The following GPR78 variants were observed in gnomAD, a reference collection of about 807,000 sequenced individuals.
The protein encoded by GPR78 is G protein-coupled receptor 78.
In GPR78, 29 loss-of-function variants were observed where a neutral mutation model predicts 17.9. The observed-to-expected ratio is 1.62, with a 90% CI of 1.20 to 2.21. The LOEUF (loss-of-function observed/expected upper bound fraction) is 2.21, where lower values mean the gene tolerates loss of function less well. Ranked by LOEUF, GPR78 falls within the 30% of genes most tolerant of loss-of-function variation. The pLI is 0.00. For missense variants in GPR78, 649 were observed against 530.5 expected (o/e 1.22, Z -2.19); for synonymous variants, 349 against 256.9 (o/e 1.36, Z -3.43).
intron 2 of GPR78, among the ~76,000 whole-genome samples, chr4:8,584,891 C>T (rs1021732330): frequency 6.6e-5 from 10 of 152,234 alleles, no homozygotes; most frequent in African/African-American, 2.4e-4. Context: ...GAGCTCTTCT[C>T]CTGGGAATTG....
At chr4:8,584,451 A>G (rs549341246) in intron 2 of GPR78, among the ~76,000 whole-genome samples, 2 of 152,338 alleles carry the variant, frequency 1.3e-5, no homozygotes, top group African/African-American at 4.8e-5. Context: ...GGTACAATAT[A>G]GCACTAACGA....
chr4:8,581,304 GT>G lies in GPR78; in HGVS notation c.323del (p.Val108GlyfsTer104). 6.3e-7 allele frequency: 1 copy of G among 1,585,310 alleles called. No homozygotes were observed. Among genetic ancestry groups the G allele is most frequent in the African/African-American group, 1.3e-5 (1 of 74,774 alleles). ...AALSADQWLAVGFPLRYAGRL... is the reference protein window; with the variant it reads ...AALSADQWLAXGFPLRYAGRL... ...GCTGAGCGCAGACCAGTGGCTGGCA[GT>G]GGGCTTCCCACTGCGCTACGCCGGA... is the stretch of plus-strand genomic sequence containing the variant. On this transcript the variant is annotated frameshift_variant, in exon 1 of 3. Coordinates refer to ENST00000382487, the MANE Select transcript of GPR78 (RefSeq NM_080819.5). LOFTEE classifies it high-confidence loss of function.
Position 8,580,868 on chromosome 4 carries a change from C to A in GPR78, c.-115C>A. 11 of 1,033,530 alleles carry A rather than the reference C, an allele frequency of 1.1e-5. No individual in the cohort carries two copies. Among genetic ancestry groups the A allele is most frequent in the Non-Finnish European group, 1.4e-5 (10 of 733,124 alleles). 64.0% of individuals were successfully genotyped at this position (1,033,530 alleles called of 1,614,324 possible). The stretch of plus-strand genomic sequence containing the variant: ...CTCTGGACCTTGCTAGCCGGCTCTG[C>A]ACCTCCCAGAAGCCGTGGGCGCGCC... On this transcript the variant is annotated 5_prime_UTR_variant, in exon 1 of 3. Coordinates refer to ENST00000382487, the MANE Select transcript of GPR78 (RefSeq NM_080819.5).
Position 8,581,551 on chromosome 4 carries a change from T to C in GPR78, c.569T>C (p.Leu190Pro). The part of the protein sequence containing the change: ...GFVLPLAVLC[L>P]TSLQVHRVAR... ...GTGCTGCCGCTGGCGGTGCTCTGCC[T>C]CACCTCGCTCCAGGTGCACCGGGTG... Residue 190 changes from leucine (L) to proline (P), a missense_variant, in exon 1 of 3, where the codon CTC becomes CCC. Leu to Pro is a moderately conservative substitution (Grantham distance 98). Transcript: ENST00000382487. The C allele has an allele frequency of 6.3e-7, 1 of 1,584,938 alleles. No homozygotes were observed. Among genetic ancestry groups the C allele is most frequent in the Non-Finnish European group, 8.5e-7 (1 of 1,173,526 alleles).
intron 2 of GPR78, chr4:8,582,846 G>T (rs570455602): frequency 7.8e-5 from 44 of 563,544 alleles, no homozygotes; most frequent in African/African-American, 6.4e-4. Context: ...CTCCCATCCT[G>T]TCCTATAAAT....
At chr4:8,586,320 A>G (rs546245429) in intron 2 of GPR78, among the ~76,000 whole-genome samples, 38 of 152,366 alleles carry the variant, frequency 2.5e-4, no homozygotes, top group Middle Eastern at 6.8e-3. Context: ...CACTGGGCTC[A>G]GACACAGAGT....
At position 8,589,910 on chromosome 4, in the gene GPR78, CTTT is replaced by C. The variant is rs34339112; in HGVS notation, c.*2565_*2567del. On this transcript the variant is annotated 3_prime_UTR_variant, in exon 3 of 3. Transcript: ENST00000382487. ...CTATCCCTTGCCTTAGGCTTGTGGC[CTTT>C]TTTTTTTTTTTTTTTTTAATTTGAA... Among the ~76,000 whole-genome samples, 17,902 of 130,918 alleles carry C rather than the reference CTTT, an allele frequency of 0.14. 1,312 individuals are homozygous for C. Among genetic ancestry groups the C allele is most frequent in the Non-Finnish European group, 0.19 (11,655 of 61,826 alleles). The allele number at this position is 130,918 out of a possible 152,430, so 85.9% of individuals were successfully genotyped here.
Position 8,580,690 on chromosome 4 carries a change from A to C in GPR78, c.-293A>C, listed in dbSNP as rs1713233665. ...CTGCGCCTCGCTTCAGCCTCAGGAC[A>C]GTCCTGCCGGGACGGTGAGCGCATT... On this transcript the variant is annotated 5_prime_UTR_variant, in exon 1 of 3. Transcript: ENST00000382487. 3 of 482,686 alleles carry C rather than the reference A, an allele frequency of 6.2e-6. No individual in the cohort carries two copies. Among genetic ancestry groups the C allele is most frequent in the East Asian group, 7.0e-5 (2 of 28,644 alleles). The allele number at this position is 482,686 out of a possible 1,614,324, so 29.9% of individuals were successfully genotyped here.
chr4:8,587,002 C>T (rs939651451), intron 2 of GPR78, 52 bp from the exon 3 acceptor site: 40 of 1,477,518 alleles, frequency 2.7e-5, no homozygotes, highest in South Asian at 4.8e-5. Flanking sequence ...AGCGTGAGTG[C>T]GTGGCAGGTG....
At position 8,580,706 on chromosome 4, in the gene GPR78, T is replaced by C. The variant is rs1358672328; in HGVS notation, c.-277T>C. 4.0e-6 allele frequency: 2 copies of C among 504,672 alleles called. No individual in the cohort carries two copies. The highest frequency in any genetic ancestry group is 7.8e-5 in the Admixed American group (2 of 25,760). The allele number at this position is 504,672 out of a possible 1,614,324, so 31.3% of individuals were successfully genotyped here. A position where few individuals can be genotyped will look rare whatever the true frequency, so the allele number is the denominator to read the frequency against. ...CCTCAGGACAGTCCTGCCGGGACGG[T>C]GAGCGCATTCAGCACCCTGGACAGC... On this transcript the variant is annotated 5_prime_UTR_variant, in exon 1 of 3. Transcript: ENST00000382487.
chr4:8,584,224 T>TG lies in GPR78; in HGVS notation c.782+1580_782+1581insG, dbSNP rs10662033. Among the ~76,000 whole-genome samples, 5 of 152,250 alleles carry TG rather than the reference T, an allele frequency of 3.3e-5. No homozygotes were observed. In the East Asian group the frequency reaches 9.7e-4, roughly 29 times the overall value. On this transcript the variant is annotated intron_variant, in intron 2 of 2. Transcript: ENST00000382487. ...TGAGTGAGACTGGCTTACTCAGCCA[T>TG]ATTATGTTGATTCATGGGTGTAACT... is the stretch of plus-strand genomic sequence containing the variant.
In GPR78 at chr4:8,589,737, T is replaced by G. The variant is rs1340059301; in HGVS notation, c.*2374T>G. On this transcript the variant is annotated 3_prime_UTR_variant, in exon 3 of 3. Coordinates refer to ENST00000382487, the MANE Select transcript of GPR78 (RefSeq NM_080819.5). ...CTGCCCTGCTGGAAGGCACCATGGT[T>G]AGAGGGAGGCACACTGTTTCTTAGA... 2.0e-5 allele frequency among the ~76,000 whole-genome samples: 3 copies of G among 152,270 alleles called. No individual in the cohort carries two copies. In the East Asian group the frequency reaches 5.8e-4, roughly 29 times the overall value.
chr4:8,589,686 G>C lies in GPR78; in HGVS notation c.*2323G>C, dbSNP rs2109303880. ...GCTAAAAGCCTTGGTCACTACTTTA[G>C]AGCCACTCAAGGAAACGCGTGCACC... On this transcript the variant is annotated 3_prime_UTR_variant, in exon 3 of 3. Transcript: ENST00000382487. Among the ~76,000 whole-genome samples the C allele has an allele frequency of 6.6e-6, 1 of 152,334 alleles. No individual in the cohort carries two copies. Among genetic ancestry groups the C allele is most frequent in the Admixed American group, 6.5e-5 (1 of 15,306 alleles).
Position 8,580,931 on chromosome 4 carries a change from G to C in GPR78, c.-52G>C. On this transcript the variant is annotated 5_prime_UTR_variant, in exon 1 of 3. Transcript: ENST00000382487. The stretch of plus-strand genomic sequence containing the variant: ...CATCGCCTCACTTTCCCAGGCTCGC[G>C]CCCGAAGCAGAGCCATGAGAACCCC... 1 of 1,434,430 alleles carries C rather than the reference G, an allele frequency of 7.0e-7. No homozygotes were observed. The highest frequency in any genetic ancestry group is 9.2e-7 in the Non-Finnish European group (1 of 1,088,742). The allele number at this position is 1,434,430 out of a possible 1,614,324, so 88.9% of individuals were successfully genotyped here.
In GPR78 at chr4:8,582,720, T is replaced by A. The variant is rs1012661253; in HGVS notation, c.782+76T>A. 1.2e-5 allele frequency: 12 copies of A among 987,658 alleles called. No individual in the cohort carries two copies. The African/African-American group carries it at 1.6e-4, about 13-fold the overall frequency. The allele number at this position is 987,658 out of a possible 1,614,324, so 61.2% of individuals were successfully genotyped here. The stretch of plus-strand genomic sequence containing the variant: ...GCCTCAGTTGAGTAGGCCTCTGAGG[T>A]TTCCCAGCAAGATATCTGGAGGGCG... On this transcript the variant is annotated intron_variant, in intron 2 of 2. Transcript: ENST00000382487.
intron 1 of GPR78, 113 bp downstream of exon 1, chr4:8,581,763 A>G (rs1440438850): frequency 1.3e-6 from 1 of 775,784 alleles, no homozygotes. Context: ...AGAGTTCACC[A>G]GCCACAGCAC....
At position 8,588,726 on chromosome 4, in the gene GPR78, T is replaced by C. The variant is rs1421205027; in HGVS notation, c.*1363T>C. On this transcript the variant is annotated 3_prime_UTR_variant, in exon 3 of 3. Coordinates refer to ENST00000382487, the MANE Select transcript of GPR78 (RefSeq NM_080819.5). ...CAAGGCCAGCAATGCAAGGAGAGTA[T>C]GGACATCAAATTCTTTCCTTCCAGA... Among the ~76,000 whole-genome samples the C allele has an allele frequency of 6.6e-6, 1 of 152,218 alleles. No homozygotes were observed. Among genetic ancestry groups the C allele is most frequent in the Non-Finnish European group, 1.5e-5 (1 of 68,042 alleles).
At chr4:8,585,592 C>T (rs1045812549) in intron 2 of GPR78, among the ~76,000 whole-genome samples, 4 of 152,136 alleles carry the variant, frequency 2.6e-5, no homozygotes, top group African/African-American at 9.7e-5. Context: ...AAAGCCCTTT[C>T]CGGACTATCA....
intron 2 of GPR78, among the ~76,000 whole-genome samples, chr4:8,583,662 T>G (rs1432541957): frequency 1.7e-5 from 2 of 119,028 alleles, no homozygotes; most frequent in Non-Finnish European, 3.2e-5. Flanking sequence ...CTGCTTGTCT[T>G]CCCAGGTTAC....
Sources: gnomAD v4.1 joint callset for allele counts (sites outside exome capture counted in the v4.1 genomes callset) on GRCh38, gnomAD v4.1.1 for gene constraint, MANE v1.5 for transcripts, NCBI Gene and HGNC (gene_info 2026-07-23, HGNC 2026-07-21) for gene names.